NEXN: variants seen among roughly 807,000 people sequenced by gnomAD.
The protein encoded by NEXN is nexilin.
A neutral mutation model predicts 92.6 loss-of-function variants in NEXN; 65 were observed. That is an observed-to-expected ratio of 0.70 (90% confidence interval 0.57 to 0.86). NEXN has a LOEUF of 0.86. Among genes scored for constraint, NEXN ranks in the 40% least tolerant of loss-of-function variants. The pLI is 0.00. For synonymous variants in NEXN, 254 were observed against 242.5 expected, an observed-to-expected ratio of 1.05 and a Z score of -0.44; for missense variants, 778 against 771.1, an observed-to-expected ratio of 1.01 and a Z score of -0.11.
chr1:77,889,651 C>T (rs1226125534), intron 1 of NEXN: 1 of 152,132 alleles, frequency 6.6e-6, no homozygotes, highest in East Asian at 1.9e-4. Context: ...TATTAAAGCA[C>T]AACGTGAACC....
chr1:77,902,877 C>T (rs1265049807), intron 1 of NEXN, among the ~76,000 whole-genome samples: 5 of 152,048 alleles, frequency 3.3e-5, no homozygotes, highest in South Asian at 2.1e-4. Context: ...AGAAAAATCA[C>T]CATTTCCATT....
intron 10 of NEXN, among the ~76,000 whole-genome samples, chr1:77,934,104 G>A (rs1358593496): frequency 2.1e-5 from 3 of 144,134 alleles, no homozygotes; most frequent in Non-Finnish European, 1.5e-5. Context: ...CCACCTCCCA[G>A]GTTCAAGCAA....
At chr1:77,922,589 T>A (rs926236147) in intron 5 of NEXN, among the ~76,000 whole-genome samples, 24 of 151,388 alleles carry the variant, frequency 1.6e-4, no homozygotes, top group Admixed American at 3.3e-4. Context: ...TTTTACAGTA[T>A]ACAAAATTAT....
chr1:77,937,090 ACTTGAG>A (rs1557992158), intron 11 of NEXN, among the ~76,000 whole-genome samples: 1 of 138,076 alleles, frequency 7.2e-6, no homozygotes, highest in African/African-American at 3.0e-5. Flanking sequence ...TGGGTGGGTC[ACTTGAG>A]CCATTTCAAG....
chr1:77,938,215 G>C (rs1411568303), intron 11 of NEXN, among the ~76,000 whole-genome samples: 1 of 152,204 alleles, frequency 6.6e-6, no homozygotes, highest in Non-Finnish European at 1.5e-5. Context: ...TAAGGCCTGG[G>C]TTAGTTGTAG....
intron 1 of NEXN, among the ~76,000 whole-genome samples, chr1:77,914,175 T>G (rs575207544): frequency 6.6e-6 from 1 of 152,286 alleles, no homozygotes; most frequent in East Asian, 1.9e-4. Context: ...CATTGTACAT[T>G]TACCCAAAAC....
At chr1:77,916,513 C>G (rs1235623323) in intron 2 of NEXN, among the ~76,000 whole-genome samples, 2 of 151,906 alleles carry the variant, frequency 1.3e-5, no homozygotes, top group African/African-American at 2.4e-5. Flanking sequence ...GGTAAGGAAC[C>G]TTTTTAGTGC....
intron 1 of NEXN, among the ~76,000 whole-genome samples, chr1:77,892,388 C>G (rs951224916): frequency 2.6e-5 from 4 of 152,158 alleles, no homozygotes; most frequent in African/African-American, 9.7e-5. Flanking sequence ...TAAATAGTGG[C>G]TGCCCCACAG....
At chr1:77,893,681 T>C (rs1647157520) in intron 1 of NEXN, among the ~76,000 whole-genome samples, 1 of 152,134 alleles carries the variant, frequency 6.6e-6, no homozygotes, top group Admixed American at 6.6e-5. Flanking sequence ...TAGAGAGGAA[T>C]AGAGCAGTTC....
chr1:77,929,286 T>C, intron 8 of NEXN, 30 bp from the exon 9 acceptor site: 2 of 1,452,512 alleles, frequency 1.4e-6, no homozygotes, highest in East Asian at 2.3e-5. Context: ...TGAACCTCAA[T>C]TCTTAGTAAT....
chr1:77,898,847 G>A (rs959754822), intron 1 of NEXN, among the ~76,000 whole-genome samples: 4 of 152,124 alleles, frequency 2.6e-5, no homozygotes, highest in Non-Finnish European at 5.9e-5. Context: ...AGTGGGCAAA[G>A]GTTATGAACA....
rs1278851452 is a variant in NEXN at position 77,933,780 on chromosome 1, CTA to C, written c.1251+304_1251+305del. On this transcript the variant is annotated intron_variant, in intron 10 of 12. Coordinates refer to ENST00000334785, the MANE Select transcript of NEXN (RefSeq NM_144573.4). ...ATTCAATACATATATTATATATAGACTATACAGTGCCAGCTTCATGGGCATGC... is the reference window on the plus strand; with the variant it reads ...ATTCAATACATATATTATATATAGACTACAGTGCCAGCTTCATGGGCATGC... Among the ~76,000 whole-genome samples the C allele has an allele frequency of 2.0e-5, 3 of 152,188 alleles. No individual in the cohort carries two copies. In the East Asian group the frequency reaches 5.8e-4, roughly 29 times the overall value.
chr1:77,901,899 A>T (rs188111867), intron 1 of NEXN, among the ~76,000 whole-genome samples: 1 of 152,358 alleles, frequency 6.6e-6, no homozygotes, highest in East Asian at 1.9e-4. Flanking sequence ...GCACCCAGCT[A>T]AAGCTAATTT....
intron 1 of NEXN, among the ~76,000 whole-genome samples, chr1:77,901,990 GAT>G (rs1440622617): frequency 6.6e-6 from 1 of 152,048 alleles, no homozygotes; most frequent in African/African-American, 2.4e-5. Flanking sequence ...TTATATTTTT[GAT>G]AGTTATATTT....
Position 77,941,824 on chromosome 1 carries a change from C to CT in NEXN, c.1474-198dup, listed in dbSNP as rs150690072. On this transcript the variant is annotated intron_variant, in intron 11 of 12. Transcript: ENST00000334785. The stretch of plus-strand genomic sequence containing the variant: ...TTACATTTGGAGAAAAAGTCTATAA[C>CT]TAAGAGAATGCTTCATAAATGTATC... 0.058 allele frequency: 33,352 copies of CT among 574,868 alleles called. 2,019 individuals are homozygous for CT. Among genetic ancestry groups the CT allele is most frequent in the African/African-American group, 0.23 (12,117 of 53,364 alleles). The allele number at this position is 574,868 out of a possible 1,614,324, so 35.6% of individuals were successfully genotyped here.
intron 1 of NEXN, among the ~76,000 whole-genome samples, chr1:77,891,523 A>G (rs1647104453): frequency 6.6e-6 from 1 of 151,798 alleles, no homozygotes; most frequent in African/African-American, 2.4e-5. Context: ...GGGGCTCCCT[A>G]TATGAGGTTT....
At chr1:77,922,599 TTC>T (rs995073856) in intron 5 of NEXN, among the ~76,000 whole-genome samples, 54 of 150,836 alleles carry the variant, frequency 3.6e-4, no homozygotes, top group Middle Eastern at 3.4e-3. Context: ...TACAAAATTA[TTC>T]TTTTTTTTTT....
Position 77,901,027 on chromosome 1 carries a change from A to G in NEXN, c.-53+12268A>G, listed in dbSNP as rs141648745. 8.1e-4 allele frequency among the ~76,000 whole-genome samples: 124 copies of G among 152,304 alleles called. 1 individual carries two copies. Among genetic ancestry groups the G allele is most frequent in the Non-Finnish European group, 1.4e-3 (98 of 68,026 alleles). On this transcript the variant is annotated intron_variant, in intron 1 of 12. Transcript: ENST00000334785. ...GTATAGGAATTAAGTTGTTAAGCCAATCTCCATTTAGCATTCTAAAATACA... is the reference window on the plus strand; with the variant it reads ...GTATAGGAATTAAGTTGTTAAGCCAGTCTCCATTTAGCATTCTAAAATACA...
intron 1 of NEXN, among the ~76,000 whole-genome samples, chr1:77,895,726 G>T (rs1647222241): frequency 6.6e-6 from 1 of 152,134 alleles, no homozygotes; most frequent in Non-Finnish European, 1.5e-5. Context: ...TTAGCCGGGT[G>T]TGGTAGTGCA....
Sources: gnomAD v4.1 joint callset for allele counts (sites outside exome capture counted in the v4.1 genomes callset) on GRCh38, gnomAD v4.1.1 for gene constraint, MANE v1.5 for transcripts, NCBI Gene and HGNC (gene_info 2026-07-23, HGNC 2026-07-21) for gene names.